The following RBFOX1 variants were observed in gnomAD, a reference collection of about 807,000 sequenced individuals.
RBFOX1 encodes the protein RNA binding fox-1 homolog 1.
Under a neutral mutation model 57.7 loss-of-function variants are expected in RBFOX1, and 8 were observed. The observed-to-expected ratio is 0.14, with a 90% confidence interval of 0.08 to 0.25. The LOEUF is 0.25. RBFOX1 is among the 10% of genes least tolerant of loss of function. The pLI is 1.00. For synonymous variants in RBFOX1, 326 were observed against 222.4 expected (o/e 1.47, Z -4.15); for missense variants, 611 against 548.5 (o/e 1.11, Z -1.14).
chr16:5,724,512 A>G (rs2052059208), intron 3 of RBFOX1, among the ~76,000 whole-genome samples: 1 of 152,138 alleles, frequency 6.6e-6, no homozygotes, highest in African/African-American at 2.4e-5. Flanking sequence ...CCCAGGACCC[A>G]TTACCTACCC....
At chr16:6,289,384 C>A (rs534631331) in intron 1 of RBFOX1, among the ~76,000 whole-genome samples, 2 of 152,068 alleles carry the variant, frequency 1.3e-5, no homozygotes, top group South Asian at 4.2e-4. Flanking sequence ...AAAAGTGTAC[C>A]CTTTGCAGAA....
At chr16:5,955,341 TA>T (rs869059942) in intron 4 of RBFOX1, among the ~76,000 whole-genome samples, 757 of 40,086 alleles carry the variant, frequency 0.019, 18 homozygotes, top group East Asian at 0.039. Flanking sequence ...TAAAATAAAA[TA>T]AAATAAAATA....
chr16:5,964,243 CG>C (rs1202061887), intron 4 of RBFOX1, among the ~76,000 whole-genome samples: 1 of 152,080 alleles, frequency 6.6e-6, no homozygotes, highest in African/African-American at 2.4e-5. Flanking sequence ...AAGGCCAAAA[CG>C]TAAGTGTTGG....
intron 3 of RBFOX1, among the ~76,000 whole-genome samples, chr16:6,850,811 C>T (rs1173336467): frequency 2.6e-5 from 4 of 152,208 alleles, no homozygotes; most frequent in Admixed American, 2.0e-4. Context: ...GGAAAATCAT[C>T]TCTCATTTTC....
chr16:5,642,001 C>T (rs1345760934), intron 3 of RBFOX1, among the ~76,000 whole-genome samples: 1 of 152,142 alleles, frequency 6.6e-6, no homozygotes, highest in East Asian at 1.9e-4. Context: ...CGAGTGAGTT[C>T]TCAGGGGATA....
intron 4 of RBFOX1, among the ~76,000 whole-genome samples, chr16:7,201,566 G>C (rs868577470): frequency 6.6e-6 from 1 of 151,664 alleles, no homozygotes; most frequent in East Asian, 1.9e-4. Context: ...GGGTTCAAAC[G>C]ATTTTCCTGC....
intron 2 of RBFOX1, among the ~76,000 whole-genome samples, chr16:5,472,537 G>A (rs536955273): frequency 2.0e-5 from 3 of 152,090 alleles, no homozygotes; most frequent in East Asian, 1.9e-4. Flanking sequence ...GCTATCCCAG[G>A]GGTCAGGAGG....
rs1456023073 is a variant in RBFOX1, at chr16:6,977,200, GT to G, written c.-15-74853del. On this transcript the variant is annotated intron_variant, in intron 3 of 15. Transcript: ENST00000550418. ...TAGATCATATATATCACATATATAT[GT>G]TTTATCATATATATTATCATATAAT... Among the ~76,000 whole-genome samples, 3 of 141,116 alleles carry G rather than the reference GT, an allele frequency of 2.1e-5. No individual in the cohort carries two copies. In the East Asian group the frequency reaches 6.4e-4, roughly 30 times the overall value. The allele number at this position is 141,116 out of a possible 152,430, so 92.6% of individuals were successfully genotyped here.
intron 2 of RBFOX1, among the ~76,000 whole-genome samples, chr16:6,386,160 G>A (rs111695930): frequency 4.6e-5 from 7 of 151,902 alleles, no homozygotes; most frequent in East Asian, 1.9e-4. Flanking sequence ...TGGTCTCGAT[G>A]TCCTGGCCTC....
chr16:6,811,689 A>C (rs189476126), intron 3 of RBFOX1, among the ~76,000 whole-genome samples: 133 of 152,264 alleles, frequency 8.7e-4, no homozygotes, highest in African/African-American at 3.1e-3. Flanking sequence ...CAGGAGTTTA[A>C]GACTAGCCTG....
intron 1 of RBFOX1, among the ~76,000 whole-genome samples, chr16:6,075,024 G>A (rs2095878677): frequency 6.6e-6 from 1 of 152,140 alleles, no homozygotes; most frequent in Non-Finnish European, 1.5e-5. Flanking sequence ...CTGAATATCT[G>A]GAACACGAAC....
intron 13 of RBFOX1, 39 bp from the exon 14 acceptor site, chr16:7,676,735 C>T: frequency 1.3e-6 from 2 of 1,572,674 alleles, no homozygotes; most frequent in Admixed American, 1.7e-5. Flanking sequence ...GCATTGGGCT[C>T]CGCTACATTC....
chr16:6,201,133 G>A (rs906579094), intron 1 of RBFOX1, among the ~76,000 whole-genome samples: 2 of 152,076 alleles, frequency 1.3e-5, no homozygotes, highest in Non-Finnish European at 2.9e-5. Flanking sequence ...CAAATGACAG[G>A]ATTTCATTCT....
At chr16:6,528,817 C>T (rs1031237037) in intron 2 of RBFOX1, among the ~76,000 whole-genome samples, 3 of 152,158 alleles carry the variant, frequency 2.0e-5, no homozygotes, top group Non-Finnish European at 4.4e-5. Context: ...GCATTCCACA[C>T]CCCACCTCCC....
intron 3 of RBFOX1, among the ~76,000 whole-genome samples, chr16:5,682,045 T>C (rs1451123582): frequency 1.3e-5 from 2 of 152,150 alleles, no homozygotes; most frequent in African/African-American, 2.4e-5. Flanking sequence ...GCTCTGCACC[T>C]CCTAGGTCTC....
At chr16:6,351,370 A>ATTT (rs1446484402) in intron 2 of RBFOX1, among the ~76,000 whole-genome samples, 143 of 100,500 alleles carry the variant, frequency 1.4e-3, no homozygotes, top group Middle Eastern at 5.7e-3. Flanking sequence ...ATATATATAT[A>ATTT]TATTTTTTTT....
At chr16:7,677,835 T>C (rs1380892157) in intron 14 of RBFOX1, among the ~76,000 whole-genome samples, 1 of 152,164 alleles carries the variant, frequency 6.6e-6, no homozygotes, top group East Asian at 1.9e-4. Context: ...AAGCAGGCGA[T>C]GTATTTGACT....
chr16:7,238,229 G>A (rs1483802601), intron 4 of RBFOX1, among the ~76,000 whole-genome samples: 3 of 152,116 alleles, frequency 2.0e-5, no homozygotes, highest in Admixed American at 2.0e-4. Context: ...CAGAGTTTCA[G>A]TTTTGCAAGA....
chr16:7,078,022 T>C (rs924867394), intron 4 of RBFOX1, among the ~76,000 whole-genome samples: 19 of 152,224 alleles, frequency 1.2e-4, no homozygotes, highest in Non-Finnish European at 5.9e-5. Flanking sequence ...ATTACCTCCA[T>C]CACTGCTAAG....
Sources: gnomAD v4.1 joint callset for allele counts (sites outside exome capture counted in the v4.1 genomes callset) on GRCh38, gnomAD v4.1.1 for gene constraint, MANE v1.5 for transcripts, NCBI Gene and HGNC (gene_info 2026-07-23, HGNC 2026-07-21) for gene names.